SOX5: variants seen among roughly 807,000 people sequenced by gnomAD.
SOX5 encodes the protein transcription factor SOX-5.
In SOX5, 9 loss-of-function variants were observed where a neutral mutation model predicts 92.0. The ratio of observed to expected loss-of-function variants is 0.10; its 90% CI spans 0.06 to 0.17. SOX5 has a LOEUF of 0.17. SOX5 is among the 10% of genes least tolerant of loss of function. The probability of loss-of-function intolerance (pLI) is 1.00; values close to 1 mark genes in which losing one functional copy is unlikely to be tolerated. For synonymous variants in SOX5, 344 were observed against 336.3 expected (o/e 1.02, Z -0.25); for missense variants, 642 against 944.5 (o/e 0.68, Z 4.20).
At chr12:23,716,996 A>G (rs774724603) in intron 6 of SOX5, among the ~76,000 whole-genome samples, 1 of 152,154 alleles carries the variant, frequency 6.6e-6, no homozygotes, top group Non-Finnish European at 1.5e-5. Flanking sequence ...TCCAAGTCCT[A>G]TGCCCTTTTT....
intron 8 of SOX5, among the ~76,000 whole-genome samples, chr12:23,628,789 G>C (rs796280905): frequency 5.3e-5 from 8 of 151,872 alleles, no homozygotes; most frequent in African/African-American, 1.9e-4. Context: ...AATGTGCAGG[G>C]CTGGCTTAAG....
chr12:23,837,886 ATATATAAGATATATTTATATTTATATAC>A (rs1568209532), intron 3 of SOX5, among the ~76,000 whole-genome samples: 2 of 108,358 alleles, frequency 1.8e-5, no homozygotes, highest in Non-Finnish European at 3.3e-5. Flanking sequence ...TATTTATATA[ATATATAAGATATATTTATATTTATATAC>A]TATGTTTATA....
intron 1 of SOX5, among the ~76,000 whole-genome samples, chr12:24,489,730 G>A (rs1404061714): frequency 6.6e-6 from 1 of 152,168 alleles, no homozygotes; most frequent in Non-Finnish European, 1.5e-5. Flanking sequence ...GTTTTCAGGT[G>A]GCAAGTTGGC....
chr12:24,557,067 A>G (rs1430661211), intron 1 of SOX5, among the ~76,000 whole-genome samples: 2 of 152,148 alleles, frequency 1.3e-5, no homozygotes, highest in Admixed American at 6.5e-5. Flanking sequence ...CAATACCCCT[A>G]TAAGAAAGGG....
At chr12:23,795,201 G>A (rs1208655908) in intron 3 of SOX5, among the ~76,000 whole-genome samples, 2 of 151,876 alleles carry the variant, frequency 1.3e-5, no homozygotes, top group East Asian at 1.9e-4. Context: ...ATCAGTGTAG[G>A]TGGCACTGAA....
intron 4 of SOX5, among the ~76,000 whole-genome samples, chr12:24,183,722 C>T (rs1955741781): frequency 6.6e-6 from 1 of 152,134 alleles, no homozygotes; most frequent in Non-Finnish European, 1.5e-5. Flanking sequence ...TCCTATAGCA[C>T]ATACAAAATT....
chr12:24,437,309 T>C (rs1021857766), intron 1 of SOX5, among the ~76,000 whole-genome samples: 4 of 152,076 alleles, frequency 2.6e-5, no homozygotes, highest in Admixed American at 6.6e-5. Context: ...ACACCTTATA[T>C]AAAAATTAAC....
intron 2 of SOX5, among the ~76,000 whole-genome samples, chr12:24,299,155 C>T (rs1947662862): frequency 6.6e-6 from 1 of 152,096 alleles, no homozygotes; most frequent in East Asian, 1.9e-4. Flanking sequence ...TTAACTCTTG[C>T]GTTTCTGGGT....
At chr12:23,946,753 T>G (rs1944661284) in intron 1 of SOX5, among the ~76,000 whole-genome samples, 1 of 151,968 alleles carries the variant, frequency 6.6e-6, no homozygotes, top group African/African-American at 2.4e-5. Flanking sequence ...TACAAATAAT[T>G]TTTTAGAATA....
intron 1 of SOX5, among the ~76,000 whole-genome samples, chr12:23,909,421 G>C (rs1314815385): frequency 6.6e-6 from 1 of 152,052 alleles, no homozygotes; most frequent in Non-Finnish European, 1.5e-5. Flanking sequence ...TTACTGATTA[G>C]CACAATCAAT....
chr12:24,293,238 AC>A (rs1275604441), intron 2 of SOX5, among the ~76,000 whole-genome samples: 2 of 152,224 alleles, frequency 1.3e-5, no homozygotes, highest in Non-Finnish European at 2.9e-5. Context: ...AGTGATAATA[AC>A]CAATTTGCAA....
intron 1 of SOX5, among the ~76,000 whole-genome samples, chr12:24,372,128 G>A (rs1453152867): frequency 6.6e-6 from 1 of 152,120 alleles, no homozygotes; most frequent in Non-Finnish European, 1.5e-5. Context: ...AGTGGTAACT[G>A]CTGCTTCTTT....
chr12:23,994,377 C>T (rs554388242), intron 4 of SOX5, among the ~76,000 whole-genome samples: 1 of 151,974 alleles, frequency 6.6e-6, no homozygotes, highest in South Asian at 2.1e-4. Context: ...AATAAATTAG[C>T]CCTTTTGTTA....
chr12:24,008,068 A>G (rs1241947048), intron 4 of SOX5, among the ~76,000 whole-genome samples: 2 of 152,088 alleles, frequency 1.3e-5, no homozygotes, highest in African/African-American at 4.8e-5. Context: ...AGAAATAACT[A>G]TAGAGACCAG....
At chr12:23,997,704 A>G (rs1158279399) in intron 4 of SOX5, among the ~76,000 whole-genome samples, 1 of 152,208 alleles carries the variant, frequency 6.6e-6, no homozygotes. Flanking sequence ...TCAGCAAACA[A>G]TAGAACTCTT....
intron 4 of SOX5, among the ~76,000 whole-genome samples, chr12:24,142,858 T>C (rs1213599398): frequency 6.7e-6 from 1 of 150,008 alleles, no homozygotes; most frequent in African/African-American, 2.5e-5. Flanking sequence ...AGCTACTAGA[T>C]AAGACAAACC....
chr12:24,377,039 T>A (rs972861872), intron 1 of SOX5, among the ~76,000 whole-genome samples: 1 of 152,092 alleles, frequency 6.6e-6, no homozygotes, highest in Non-Finnish European at 1.5e-5. Flanking sequence ...GCCCTAAACG[T>A]CTATCTTTGA....
At chr12:24,117,710 C>T (rs1477436031) in intron 4 of SOX5, among the ~76,000 whole-genome samples, 3 of 152,094 alleles carry the variant, frequency 2.0e-5, no homozygotes, top group East Asian at 1.9e-4. Context: ...TGAAATAAGA[C>T]GAGCACAGAA....
chr12:23,713,747 A>G (rs1356137730), intron 6 of SOX5, among the ~76,000 whole-genome samples: 1 of 148,312 alleles, frequency 6.7e-6, no homozygotes, highest in Admixed American at 6.8e-5. Flanking sequence ...ATACATATAT[A>G]TGCGTGTGTG....
Sources: gnomAD v4.1 joint callset for allele counts (sites outside exome capture counted in the v4.1 genomes callset) on GRCh38, gnomAD v4.1.1 for gene constraint, MANE v1.5 for transcripts, NCBI Gene and HGNC (gene_info 2026-07-23, HGNC 2026-07-21) for gene names.